The following COPG1 variants were observed in gnomAD, a reference collection of about 807,000 sequenced individuals.
COPG1 encodes the protein coat protein complex I subunit gamma 1.
Under a neutral mutation model 102.8 loss-of-function variants are expected in COPG1, and 29 were observed. The ratio of observed to expected loss-of-function variants is 0.28; its 90% CI spans 0.21 to 0.38. The LOEUF is 0.38. Among genes scored for constraint, COPG1 ranks in the 10% least tolerant of loss-of-function variants. The pLI, the probability that COPG1 is intolerant of heterozygous loss-of-function variation, is 1.00. For synonymous variants in COPG1, 406 were observed against 421.6 expected, an observed-to-expected ratio of 0.96 and a Z score of 0.45; for missense variants, 875 against 1,132.7, an observed-to-expected ratio of 0.77 and a Z score of 3.27.
Position 129,267,019 on chromosome 3 carries a change from C to G in COPG1, c.1469-5C>G. Reference sequence around the variant, plus strand: ...GGGTAAATCACATTCGCTTCCTAAACACAGGTGCTGTGAGTGCTCTGGCGA... The same window carrying G: ...GGGTAAATCACATTCGCTTCCTAAAGACAGGTGCTGTGAGTGCTCTGGCGA... On this transcript the variant is annotated splice_region_variant and splice_polypyrimidine_tract_variant and intron_variant, in intron 14 of 23. Transcript: ENST00000314797. 1 of 1,613,264 alleles carries G rather than the reference C, an allele frequency of 6.2e-7. No individual in the cohort carries two copies. Among genetic ancestry groups the G allele is most frequent in the Non-Finnish European group, 8.5e-7 (1 of 1,179,426 alleles).
At chr3:129,268,200 G>A (rs1940106832) in intron 16 of COPG1, among the ~76,000 whole-genome samples, 160 bp downstream of exon 16, 1 of 152,096 alleles carries the variant, frequency 6.6e-6, no homozygotes, top group Non-Finnish European at 1.5e-5. Context: ...GGTCATTCAG[G>A]TCACACCTGA....
chr3:129,250,619 A>C, intron 1 of COPG1, 63 bp from the exon 2 acceptor site: 2 of 1,314,632 alleles, frequency 1.5e-6, no homozygotes, highest in Non-Finnish European at 2.2e-6. Flanking sequence ...CCCTTTACCT[A>C]TGTCTGGGAG....
chr3:129,274,690 T>G, intron 21 of COPG1, 148 bp from the exon 22 acceptor site: 1 of 862,758 alleles, frequency 1.2e-6, no homozygotes, highest in Non-Finnish European at 1.8e-6. Context: ...CCTGGTCAAG[T>G]TGCTCTATGT....
chr3:129,273,961 G>C, intron 21 of COPG1: 1 of 453,476 alleles, frequency 2.2e-6, no homozygotes, highest in South Asian at 1.6e-5. Flanking sequence ...TCTGAGTGCA[G>C]ACCATTATGC....
intron 23 of COPG1, 98 bp from the exon 24 acceptor site, chr3:129,277,196 C>A: frequency 1.6e-6 from 2 of 1,274,672 alleles, no homozygotes; most frequent in Non-Finnish European, 2.3e-6. Context: ...TTTCACTACA[C>A]CAGAGCTGCC....
intron 9 of COPG1, 40 bp downstream of exon 9, chr3:129,257,667 C>T (rs377347730): frequency 2.8e-5 from 45 of 1,613,800 alleles, no homozygotes; most frequent in Non-Finnish European, 3.6e-5. Context: ...TGATGCCTCA[C>T]TCATCCTACC....
Position 129,271,885 on chromosome 3 carries a change from C to T in COPG1, c.1962C>T (p.Thr654=). The change falls in exon 19 of 24, where the codon ACC becomes ACT. Residue 654 remains threonine (T), a synonymous_variant. Coordinates refer to ENST00000314797, the MANE Select transcript of COPG1 (RefSeq NM_016128.4). The surrounding 1 kb of genome is among the most constrained non-coding windows in gnomAD (Gnocchi z 4.7). ...TEYVIRCTKH[T]FTNHMVFQFD... is the part of the protein sequence containing the mutation. ...ATGTCATCCGCTGCACCAAACACAC[C>T]TTCACCAACCACATGGTTTTTCAGG... The T allele has an allele frequency of 6.2e-7, 1 of 1,614,170 alleles. No individual in the cohort carries two copies. Among genetic ancestry groups the T allele is most frequent in the Non-Finnish European group, 8.5e-7 (1 of 1,180,024 alleles).
In COPG1 at chr3:129,255,053, C is replaced by T. The variant is rs1445499371; in HGVS notation, c.468C>T (p.Ser156=). ...QAIVDKVPSV[S]SSALVSSLHL... ...TTGTGGACAAGGTGCCCAGTGTCTC[C>T]AGCTCTGCCCTCGTGTCTTCCTTGG... The change falls in exon 7 of 24, where the codon TCC becomes TCT. Residue 156 remains serine, a synonymous_variant. Coordinates refer to ENST00000314797, the MANE Select transcript of COPG1 (RefSeq NM_016128.4). 1 of 1,614,052 alleles carries T rather than the reference C, an allele frequency of 6.2e-7. No individual in the cohort carries two copies. Among genetic ancestry groups the T allele is most frequent in the African/African-American group, 1.3e-5 (1 of 75,050 alleles).
chr3:129,260,304 C>G (rs1390537604), intron 10 of COPG1, 29 bp from the exon 11 acceptor site: 6 of 1,610,242 alleles, frequency 3.7e-6, no homozygotes, highest in Non-Finnish European at 4.2e-6. Flanking sequence ...GTGAAGGCAA[C>G]CTGACATGTG....
intron 12 of COPG1, among the ~76,000 whole-genome samples, chr3:129,262,354 G>A (rs1381907643): frequency 2.0e-5 from 3 of 151,298 alleles, no homozygotes; most frequent in East Asian, 3.9e-4. Context: ...CTGGGTTCAC[G>A]CCATTCTTCT....
In COPG1 at chr3:129,271,950, A is replaced by T. The variant is rs770118466; in HGVS notation, c.1986+41A>T. Reference sequence around the variant, plus strand: ...TGAGGCCCTGCTGGGGCATGCGCCCAGGGAGTTGTCCCAGGTCTGGCAGGT... The same window carrying T: ...TGAGGCCCTGCTGGGGCATGCGCCCTGGGAGTTGTCCCAGGTCTGGCAGGT... On this transcript the variant is annotated intron_variant, in intron 19 of 23. Transcript: ENST00000314797. This position sits in a 1 kb window ranked among gnomAD's most constrained non-coding sequence, Gnocchi z 4.7. The T allele has an allele frequency of 4.4e-6, 7 of 1,605,558 alleles. No individual in the cohort carries two copies. The highest frequency in any genetic ancestry group is 1.1e-5 in the South Asian group (1 of 89,722).
In COPG1 at chr3:129,251,138, C is replaced by T. The variant is rs371865446; in HGVS notation, c.90+404C>T. ...CGGGGTTTCACCGCGTTAGCCAGGA[C>T]GGTCTTGATCTCCTGACCTCGTGAT... On this transcript the variant is annotated intron_variant, in intron 2 of 23. Transcript: ENST00000314797. Among the ~76,000 whole-genome samples the T allele has an allele frequency of 2.8e-3, 429 of 150,740 alleles. 1 individual carries two copies. Among genetic ancestry groups the T allele is most frequent in the African/African-American group, 9.9e-3 (411 of 41,314 alleles).
In COPG1 at chr3:129,274,971, T is replaced by G; in HGVS notation, c.2390T>G (p.Leu797Arg). The G allele has an allele frequency of 6.2e-7, 1 of 1,614,152 alleles. No individual in the cohort carries two copies. Among genetic ancestry groups the G allele is most frequent in the Non-Finnish European group, 8.5e-7 (1 of 1,179,972 alleles). ...TTCACCTTGTCTACCATCAAGACAC[T>G]TGAAGGTAAAATCCTGGGAATGCCA... ...ETFTLSTIKT[L>R]EEAVGNIVKF... The change falls in exon 22 of 24, where the codon CTT (leucine) becomes CGT (arginine). Residue 797 changes from leucine (L) to arginine (R), a missense_variant. Transcript: ENST00000314797.
chr3:129,273,481 A>G (rs890569597), intron 21 of COPG1, among the ~76,000 whole-genome samples: 4 of 152,248 alleles, frequency 2.6e-5, no homozygotes, highest in African/African-American at 9.6e-5. Flanking sequence ...AATTGAAATC[A>G]TTCTTACAGT....
At chr3:129,262,284 G>A (rs932646105) in intron 12 of COPG1, among the ~76,000 whole-genome samples, 2 of 148,000 alleles carry the variant, frequency 1.4e-5, no homozygotes, top group African/African-American at 5.0e-5. Flanking sequence ...TTGGAGTCTC[G>A]CTCTGTTGCT....
At chr3:129,259,763 G>A (rs571954528) in intron 10 of COPG1, among the ~76,000 whole-genome samples, 132 of 152,274 alleles carry the variant, frequency 8.7e-4, no homozygotes, top group South Asian at 5.8e-3. Context: ...TATGGTACCC[G>A]AATGGCTCTC....
At position 129,275,150 on chromosome 3, in the gene COPG1, G is replaced by C. The variant is rs189912496; in HGVS notation, c.2396-44G>C. 0.015 allele frequency: 23,039 copies of C among 1,574,834 alleles called. 218 individuals are homozygous for C. The highest frequency in any genetic ancestry group is 0.018 in the Non-Finnish European group (21,048 of 1,144,860). ...CATGGGGGAGTGGTGGTGGCACAAA[G>C]GGCAGATAAGATGGCTTAACAATAT... On this transcript the variant is annotated intron_variant, in intron 22 of 23. Coordinates refer to ENST00000314797, the MANE Select transcript of COPG1 (RefSeq NM_016128.4). The surrounding 1 kb of genome is among the most constrained non-coding windows in gnomAD (Gnocchi z 5.0).
At chr3:129,264,021 G>C in intron 13 of COPG1, 22 bp downstream of exon 13, 2 of 1,584,160 alleles carry the variant, frequency 1.3e-6, no homozygotes, top group Non-Finnish European at 1.7e-6. Flanking sequence ...GGGCATTCGG[G>C]GGATGCCAGG....
Position 129,250,773 on chromosome 3 carries a change from T to C in COPG1, c.90+39T>C, listed in dbSNP as rs373204048. The C allele has an allele frequency of 1.2e-5, 19 of 1,546,514 alleles. 1 individual carries two copies. The highest frequency in any genetic ancestry group is 1.3e-5 in the Non-Finnish European group (15 of 1,118,490). ...GCTCCCCTCTAGCTTCCATCATAAA[T>C]ATTCACCACCAATGCAACTGAAATA... On this transcript the variant is annotated intron_variant, in intron 2 of 23. Transcript: ENST00000314797.
Sources: gnomAD v4.1 joint callset for allele counts (sites outside exome capture counted in the v4.1 genomes callset) on GRCh38, gnomAD v4.1.1 for gene constraint, Gnocchi (gnomAD v3.1) non-coding constraint, MANE v1.5 for transcripts, NCBI Gene and HGNC (gene_info 2026-07-23, HGNC 2026-07-21) for gene names.